FMNL1: variants seen among roughly 807,000 people sequenced by gnomAD.
The protein encoded by FMNL1 is formin-like protein 1.
A neutral mutation model predicts 121.3 loss-of-function variants in FMNL1; 43 were observed. That is an observed-to-expected ratio of 0.35 (90% CI 0.28 to 0.46). FMNL1 has a LOEUF of 0.46. Among genes scored for constraint, FMNL1 ranks in the 20% least tolerant of loss-of-function variants. The pLI is 1.00. For missense variants in FMNL1, 1,191 were observed against 1,482.4 expected (o/e 0.80, Z 3.23); for synonymous variants, 613 against 613.5 (o/e 1.00, Z 0.01).
chr17:45,241,761 TGCGTAGA>T lies in FMNL1; in HGVS notation c.1586-82_1586-76del. 5 of 1,422,128 alleles carry T rather than the reference TGCGTAGA, an allele frequency of 3.5e-6. No homozygotes were observed. Among genetic ancestry groups the T allele is most frequent in the Non-Finnish European group, 4.6e-6 (5 of 1,092,592 alleles). 88.1% of individuals were successfully genotyped at this position (1,422,128 alleles called of 1,614,324 possible). On this transcript the variant is annotated intron_variant, in intron 14 of 26. Coordinates refer to ENST00000331495, the MANE Select transcript of FMNL1 (RefSeq NM_005892.4). The surrounding 1 kb of genome is among the most constrained non-coding windows in gnomAD (Gnocchi z 7.0). ...TAGGCTCGGCTCAGGTAGGAGCGCATGCGTAGAGCGGAGAGGCGGAGAGGGGCCCACC... is the reference window on the plus strand; with the variant it reads ...TAGGCTCGGCTCAGGTAGGAGCGCATGCGGAGAGGCGGAGAGGGGCCCACC...
intron 6 of FMNL1, chr17:45,234,471 C>A: frequency 2.3e-6 from 1 of 437,640 alleles, no homozygotes; most frequent in South Asian, 2.1e-5. Flanking sequence ...TTGAGACCAG[C>A]CTGGCTAACA....
chr17:45,228,860 T>A (rs2043382075), intron 1 of FMNL1, among the ~76,000 whole-genome samples: 1 of 152,136 alleles, frequency 6.6e-6, no homozygotes, highest in African/African-American at 2.4e-5. Context: ...ACGGCTCCAG[T>A]TTCCCTGGCA....
Position 45,240,580 on chromosome 17 carries a change from C to T in FMNL1, c.1185C>T (p.Asn395=), listed in dbSNP as rs116115318. The part of the protein sequence containing the change: ...GALLEDTETK[N]AVLEHMEELQ... Reference sequence around the variant, plus strand: ...TGCTGGAGGACACAGAGACCAAGAACGCTGTGCTGGAGCACATGGAGGAAC... The same window carrying T: ...TGCTGGAGGACACAGAGACCAAGAATGCTGTGCTGGAGCACATGGAGGAAC... Residue 395 remains asparagine (N), a synonymous_variant, in exon 12 of 27, where the codon AAC becomes AAT. Transcript: ENST00000331495. The T allele has an allele frequency of 7.3e-4, 1,180 of 1,613,920 alleles. 8 individuals carry two copies. The African/African-American group carries it at 0.014, about 19-fold the overall frequency.
In FMNL1 at chr17:45,233,120, G is replaced by T. The variant is rs1192715733; in HGVS notation, c.328-104G>T. The T allele has an allele frequency of 8.7e-7, 1 of 1,145,132 alleles. No homozygotes were observed. Among genetic ancestry groups the T allele is most frequent in the Non-Finnish European group, 1.3e-6 (1 of 780,446 alleles). The allele number at this position is 1,145,132 out of a possible 1,614,324, so 70.9% of individuals were successfully genotyped here. A position where few individuals can be genotyped will look rare whatever the true frequency, so the allele number is the denominator to read the frequency against. On this transcript the variant is annotated intron_variant, in intron 3 of 26. Transcript: ENST00000331495. The surrounding 1 kb of genome is among the most constrained non-coding windows in gnomAD (Gnocchi z 4.1). ...AGGCTGAGCATGAAAGGCCACTTGT[G>T]CCAGTTGGAGGAGGGTGGGCGCTGC...
chr17:45,234,318 G>C, intron 6 of FMNL1, 118 bp downstream of exon 6: 1 of 1,544,378 alleles, frequency 6.5e-7, no homozygotes, highest in Non-Finnish European at 8.8e-7. Flanking sequence ...CATGCATTAG[G>C]GGTCCGAGTA....
At chr17:45,227,608 G>A (rs139666790) in intron 1 of FMNL1, among the ~76,000 whole-genome samples, 1 of 152,304 alleles carries the variant, frequency 6.6e-6, no homozygotes, top group African/African-American at 2.4e-5. Flanking sequence ...TTGGAGACAA[G>A]TCTGTGTTTC....
chr17:45,224,002 C>G (rs572777164), intron 1 of FMNL1, among the ~76,000 whole-genome samples: 122 of 151,984 alleles, frequency 8.0e-4, no homozygotes, highest in African/African-American at 2.6e-3. Flanking sequence ...TCCCTGAGTA[C>G]CAGGATGTGG....
Position 45,242,080 on chromosome 17 carries a change from C to T in FMNL1, c.1819C>T (p.Pro607Ser), listed in dbSNP as rs1389739605. Residue 607 changes from proline (P) to serine (S), a missense_variant, in exon 15 of 27, where the codon CCG (proline) becomes TCG (serine). Pro to Ser is a moderately conservative substitution (Grantham distance 74). Coordinates refer to ENST00000331495, the MANE Select transcript of FMNL1 (RefSeq NM_005892.4). ...TDGPVPPPPPPPPPPPGGPPD... is the reference protein window; with the variant it reads ...TDGPVPPPPPSPPPPPGGPPD... ...CGGGCCGGTGCCTCCGCCGCCGCCG[C>T]CGCCGCCGCCGCCTCCCGGAGGTCC... The T allele has an allele frequency of 9.2e-6, 14 of 1,521,528 alleles. No individual in the cohort carries two copies. In the South Asian group the frequency reaches 1.2e-4, roughly 13 times the overall value. The allele number at this position is 1,521,528 out of a possible 1,614,324, so 94.3% of individuals were successfully genotyped here.
intron 10 of FMNL1, 28 bp from the exon 11 acceptor site, chr17:45,238,927 T>C (rs1397090185): frequency 1.3e-6 from 2 of 1,592,908 alleles, no homozygotes; most frequent in African/African-American, 1.3e-5. Flanking sequence ...TAGAGGATCA[T>C]AGATCTCCCC....
chr17:45,223,095 G>C (rs1811534559), intron 1 of FMNL1, among the ~76,000 whole-genome samples: 1 of 152,148 alleles, frequency 6.6e-6, no homozygotes, highest in South Asian at 2.1e-4. Context: ...GAGAGGAAGA[G>C]CTGCTCACTC....
rs1393567002 is a variant in FMNL1 at position 45,241,180 on chromosome 17, G to A, written c.1282G>A (p.Glu428Lys). The change falls in exon 13 of 27, where the codon GAA becomes AAA. Residue 428 changes from glutamate (E) to lysine (K), a missense_variant. By Grantham distance (56) the Glu-to-Lys change is moderately conservative (BLOSUM62 1). Coordinates refer to ENST00000331495, the MANE Select transcript of FMNL1 (RefSeq NM_005892.4). The surrounding 1 kb of genome is among the most constrained non-coding windows in gnomAD (Gnocchi z 7.0). The part of the protein sequence containing the change: ...AENESMAKIA[E>K]LEKQLSQARK... ...GAACGAATCCATGGCCAAGATTGCA[G>A]AACTGGAAAAACAGCTAAGCCAGGC... 1 of 1,614,090 alleles carries A rather than the reference G, an allele frequency of 6.2e-7. No homozygotes were observed. The highest frequency in any genetic ancestry group is 1.7e-5 in the Admixed American group (1 of 60,036).
chr17:45,241,885 C>G lies in FMNL1; in HGVS notation c.1624C>G (p.Pro542Ala). 1 of 1,428,194 alleles carries G rather than the reference C, an allele frequency of 7.0e-7. No individual in the cohort carries two copies. Among genetic ancestry groups the G allele is most frequent in the Non-Finnish European group, 9.1e-7 (1 of 1,099,440 alleles). The allele number at this position is 1,428,194 out of a possible 1,614,324, so 88.5% of individuals were successfully genotyped here. The change falls in exon 15 of 27, where the codon CCA becomes GCA. Residue 542 changes from proline (P) to alanine (A), a missense_variant. This residue lies in a region of FMNL1 where 519 missense variants were observed against 492.8 expected (regional missense o/e 1.05). Coordinates refer to ENST00000331495, the MANE Select transcript of FMNL1 (RefSeq NM_005892.4). The surrounding 1 kb of genome is among the most constrained non-coding windows in gnomAD (Gnocchi z 7.0). ...AGCAGAGCCGGCTCCCGGAGCAGCG[C>G]CACCGCCGCCGCCCCCACTGCCCGG... Reference protein sequence around the residue: ...PAAEPAPGAAPPPPPPLPGLP... With the variant: ...PAAEPAPGAAAPPPPPLPGLP...
rs73319102 is a variant in FMNL1, at chr17:45,231,776, G to A, written c.214-591G>A. ...AGATGTGCAGGGCGGCTGGGTCCGA[G>A]TCCTACCCAGGTGCTGGGTCCCCTT... On this transcript the variant is annotated intron_variant, in intron 2 of 26. Coordinates refer to ENST00000331495, the MANE Select transcript of FMNL1 (RefSeq NM_005892.4). The surrounding 1 kb of genome is among the most constrained non-coding windows in gnomAD (Gnocchi z 4.7). Among the ~76,000 whole-genome samples the A allele has an allele frequency of 0.013, 1,969 of 152,260 alleles. 39 individuals are homozygous for A. The highest frequency in any genetic ancestry group is 0.045 in the African/African-American group (1,857 of 41,532).
chr17:45,245,208 G>A (rs1318537850), intron 21 of FMNL1, 45 bp from the exon 22 acceptor site: 4 of 1,613,034 alleles, frequency 2.5e-6, no homozygotes, highest in Non-Finnish European at 3.4e-6. Flanking sequence ...TGGGAGGGCT[G>A]CCTCTCCGAT....
In FMNL1 at chr17:45,240,460, T is replaced by G; in HGVS notation, c.1081-16T>G. The G allele has an allele frequency of 6.2e-7, 1 of 1,601,936 alleles. No homozygotes were observed. The highest frequency in any genetic ancestry group is 8.5e-7 in the Non-Finnish European group (1 of 1,173,198). ...ACACACCAGGCCTCACCCCACTCCTTCCATCTGGGGGACAGAGGCTTCGGC... is the reference window on the plus strand; with the variant it reads ...ACACACCAGGCCTCACCCCACTCCTGCCATCTGGGGGACAGAGGCTTCGGC... On this transcript the variant is annotated splice_polypyrimidine_tract_variant and intron_variant, in intron 11 of 26. Transcript: ENST00000331495.
chr17:45,229,910 C>T (rs2043404042), intron 1 of FMNL1, among the ~76,000 whole-genome samples: 2 of 152,180 alleles, frequency 1.3e-5, no homozygotes, highest in Admixed American at 1.3e-4. Flanking sequence ...TGACCTTCCC[C>T]GCAAATCTCC....
chr17:45,226,536 C>T (rs560765477), intron 1 of FMNL1, among the ~76,000 whole-genome samples: 18 of 152,294 alleles, frequency 1.2e-4, no homozygotes, highest in Non-Finnish European at 1.6e-4. Context: ...AGCTTGCCAC[C>T]GAGGCCACCC....
rs200167037 is a variant in FMNL1, at chr17:45,245,706, C to A, written c.2967C>A (p.Leu989=). 55 of 1,613,918 alleles carry A rather than the reference C, an allele frequency of 3.4e-5. No individual in the cohort carries two copies. In the South Asian group the frequency reaches 5.7e-4, roughly 17 times the overall value. Reference sequence around the variant, plus strand: ...CATCCCCAGGCCTGTTCTTCTCCCTCTTTAGCCGCTTCATTAAGGCCTACA... The same window carrying A: ...CATCCCCAGGCCTGTTCTTCTCCCTATTTAGCCGCTTCATTAAGGCCTACA... ...KTTSPGLFFS[L]FSRFIKAYKK... Residue 989 remains leucine (L), a synonymous_variant, in exon 23 of 27, where the codon CTC becomes CTA. Transcript: ENST00000331495.
chr17:45,226,667 C>T (rs58605696), intron 1 of FMNL1, among the ~76,000 whole-genome samples: 6,574 of 152,240 alleles, frequency 0.043, 326 homozygotes, highest in East Asian at 0.24. Context: ...GTGCTTAGAA[C>T]GGCACCTAGC....
Sources: allele counts gnomAD v4.1 joint callset (sites outside exome capture counted in the v4.1 genomes callset), GRCh38; gene constraint gnomAD v4.1.1; regional missense constraint gnomAD v4.1.1; non-coding constraint Gnocchi (gnomAD v3.1); transcripts MANE v1.5; gene names NCBI Gene and HGNC (gene_info 2026-07-23, HGNC 2026-07-21).